Variants in CAMSAP1 observed in about 807,000 individuals in gnomAD.
CAMSAP1 encodes the protein calmodulin-regulated spectrin-associated protein 1.
A neutral mutation model predicts 143.5 loss-of-function variants in CAMSAP1; 58 were observed. That is an observed-to-expected ratio of 0.40 (90% CI 0.33 to 0.50). CAMSAP1 has a LOEUF of 0.50. Ranked by LOEUF, CAMSAP1 falls within the 20% of genes least tolerant of loss-of-function variation. CAMSAP1 has a pLI of 0.45. For missense variants in CAMSAP1, 1,969 were observed against 2,115.7 expected (o/e 0.93, Z 1.36); for synonymous variants, 945 against 859.3 (o/e 1.10, Z -1.74).
intron 1 of CAMSAP1, among the ~76,000 whole-genome samples, chr9:135,903,176 G>A (rs182087772): frequency 5.3e-5 from 8 of 152,234 alleles, no homozygotes; most frequent in Non-Finnish European, 1.2e-4. Context: ...CGTGCTATGC[G>A]GTAAAATAAA....
At chr9:135,812,434 C>T (rs980355740) in intron 16 of CAMSAP1, among the ~76,000 whole-genome samples, 1 of 152,022 alleles carries the variant, frequency 6.6e-6, no homozygotes, top group African/African-American at 2.4e-5. Flanking sequence ...AATTATGATG[C>T]CAGTTATGTA....
intron 7 of CAMSAP1, among the ~76,000 whole-genome samples, chr9:135,841,119 C>G (rs1475520882): frequency 6.6e-6 from 1 of 152,176 alleles, no homozygotes; most frequent in Non-Finnish European, 1.5e-5. Context: ...TCGCTGCCAG[C>G]ACAGTAGTCT....
chr9:135,808,522 T>G lies in CAMSAP1; in HGVS notation c.*2787A>C, dbSNP rs1834924336. ...ACAGAAAATTTTATTTCAATAAATATTTTGCCCTCCAAGTGACAACTACAA... is the reference window on the plus strand; with the variant it reads ...ACAGAAAATTTTATTTCAATAAATAGTTTGCCCTCCAAGTGACAACTACAA... On this transcript the variant is annotated 3_prime_UTR_variant, in exon 17 of 17. Coordinates refer to ENST00000389532, the MANE Select transcript of CAMSAP1 (RefSeq NM_015447.4). 2 of 152,276 alleles carry G rather than the reference T, an allele frequency of 1.3e-5. No individual in the cohort carries two copies. Among genetic ancestry groups the G allele is most frequent in the Admixed American group, 1.3e-4 (2 of 15,284 alleles). 9.4% of individuals were successfully genotyped at this position (152,276 alleles called of 1,614,324 possible). A position where few individuals can be genotyped will look rare whatever the true frequency, so the allele number is the denominator to read the frequency against.
chr9:135,869,233 T>A (rs1436327153), intron 3 of CAMSAP1, among the ~76,000 whole-genome samples: 1 of 151,914 alleles, frequency 6.6e-6, no homozygotes, highest in African/African-American at 2.4e-5. Flanking sequence ...TCAGGCACGG[T>A]GGCTCACACC....
rs1413186116 is a variant in CAMSAP1, at chr9:135,882,110, A to G, written c.424-316T>C. 6.6e-6 allele frequency among the ~76,000 whole-genome samples: 1 copy of G among 152,194 alleles called. No individual in the cohort carries two copies. The highest frequency in any genetic ancestry group is 1.5e-5 in the Non-Finnish European group (1 of 68,028). ...TCAACAGCCCTGTGGGACTCCCAGG[A>G]AAGGCGGTGCAGCTCCCAGGTCGTG... is the stretch of plus-strand genomic sequence containing the variant. On this transcript the variant is annotated intron_variant, in intron 2 of 16. Coordinates refer to ENST00000389532, the MANE Select transcript of CAMSAP1 (RefSeq NM_015447.4). The surrounding 1 kb of genome is among the most constrained non-coding windows in gnomAD (Gnocchi z 4.9).
intron 7 of CAMSAP1, among the ~76,000 whole-genome samples, chr9:135,841,821 CA>C (rs1275950253): frequency 6.6e-6 from 1 of 152,176 alleles, no homozygotes; most frequent in Non-Finnish European, 1.5e-5. Context: ...AAAGGACATC[CA>C]CACAAAAACC....
chr9:135,840,316 C>G (rs529015927), intron 7 of CAMSAP1, among the ~76,000 whole-genome samples: 50 of 152,302 alleles, frequency 3.3e-4, no homozygotes, highest in African/African-American at 1.1e-3. Flanking sequence ...CCCCCTCCCC[C>G]GCTATGTCTC....
intron 1 of CAMSAP1, among the ~76,000 whole-genome samples, chr9:135,895,175 A>G (rs1838405267): frequency 6.6e-6 from 1 of 152,244 alleles, no homozygotes; most frequent in African/African-American, 2.4e-5. Context: ...AGAAACAGCA[A>G]CAGAAAGAGA....
At chr9:135,903,707 T>C (rs972744512) in intron 1 of CAMSAP1, among the ~76,000 whole-genome samples, 7 of 152,364 alleles carry the variant, frequency 4.6e-5, no homozygotes, top group South Asian at 2.1e-4. Flanking sequence ...AAGTTAAATA[T>C]TGAAGCCACT....
chr9:135,866,645 T>C (rs1297894491), intron 3 of CAMSAP1, 109 bp from the exon 4 acceptor site: 9 of 646,464 alleles, frequency 1.4e-5, no homozygotes, highest in Non-Finnish European at 2.8e-6. Context: ...CTCTGACTCC[T>C]AGACATAGGT....
intron 1 of CAMSAP1, among the ~76,000 whole-genome samples, chr9:135,887,181 G>C (rs1018435905): frequency 6.6e-6 from 1 of 152,192 alleles, no homozygotes; most frequent in Non-Finnish European, 1.5e-5. Flanking sequence ...CCAAGCCCAC[G>C]GGACAGATGT....
chr9:135,872,314 T>C (rs1289382575), intron 3 of CAMSAP1, among the ~76,000 whole-genome samples: 2 of 152,132 alleles, frequency 1.3e-5, no homozygotes, highest in South Asian at 2.1e-4. Flanking sequence ...AAAAGATGCA[T>C]CTTCTGCTAT....
At chr9:135,866,156 G>A (rs140132628) in intron 4 of CAMSAP1, among the ~76,000 whole-genome samples, 161 of 152,270 alleles carry the variant, frequency 1.1e-3, no homozygotes, top group African/African-American at 3.5e-3. Flanking sequence ...TTGACTTGTG[G>A]AAGCTAGCAC....
intron 3 of CAMSAP1, among the ~76,000 whole-genome samples, chr9:135,869,974 A>G (rs866190987): frequency 2.6e-5 from 4 of 152,194 alleles, no homozygotes; most frequent in Admixed American, 1.3e-4. Flanking sequence ...GTCCAGACTG[A>G]GCAAACCCAT....
At position 135,818,648 on chromosome 9, in the gene CAMSAP1, G is replaced by T; in HGVS notation, c.3960-32C>A. ...GAAACACACGCCCAGACACTGCTCG[G>T]TCACGGGGCTTCTTCCACGACGCCT... On this transcript the variant is annotated intron_variant, in intron 12 of 16. Coordinates refer to ENST00000389532, the MANE Select transcript of CAMSAP1 (RefSeq NM_015447.4). The surrounding 1 kb of genome is among the most constrained non-coding windows in gnomAD (Gnocchi z 7.7). 1 of 1,602,666 alleles carries T rather than the reference G, an allele frequency of 6.2e-7. No individual in the cohort carries two copies.
intron 7 of CAMSAP1, among the ~76,000 whole-genome samples, chr9:135,837,519 ACAT>A (rs1308480662): frequency 6.7e-6 from 1 of 149,798 alleles, no homozygotes; most frequent in African/African-American, 2.5e-5. Flanking sequence ...CTACAGACAC[ACAT>A]CATCACGCAC....
At chr9:135,862,355 G>T in intron 5 of CAMSAP1, 112 bp downstream of exon 5, 1 of 1,245,708 alleles carries the variant, frequency 8.0e-7, no homozygotes, top group Non-Finnish European at 1.1e-6. Context: ...TTTATATTAA[G>T]GATTCCATTT....
At chr9:135,843,219 C>A (rs972959803) in intron 7 of CAMSAP1, among the ~76,000 whole-genome samples, 1 of 151,958 alleles carries the variant, frequency 6.6e-6, no homozygotes, top group South Asian at 2.1e-4. Context: ...CCCAGCTACT[C>A]GGGAGGCTGA....
intron 8 of CAMSAP1, among the ~76,000 whole-genome samples, chr9:135,825,831 C>T (rs62584795): frequency 0.14 from 21,413 of 152,172 alleles, 1,685 homozygotes; most frequent in Non-Finnish European, 0.17. Context: ...GAGGCAAAGA[C>T]GGGCAGAGGA....
Sources: allele counts gnomAD v4.1 joint callset (sites outside exome capture counted in the v4.1 genomes callset), GRCh38; gene constraint gnomAD v4.1.1; non-coding constraint Gnocchi (gnomAD v3.1); transcripts MANE v1.5; gene names NCBI Gene and HGNC (gene_info 2026-07-23, HGNC 2026-07-21).